The following HMCN1 variants were observed in gnomAD, a reference collection of about 807,000 sequenced individuals.
HMCN1 encodes hemicentin 1.
HMCN1 carries 321 observed loss-of-function variants against 625.9 expected under a neutral mutation model. That is an observed-to-expected ratio of 0.51 (90% CI 0.47 to 0.56). The LOEUF (loss-of-function observed/expected upper bound fraction) is 0.56. Ranked by LOEUF, HMCN1 falls within the 20% of genes least tolerant of loss-of-function variation. HMCN1 has a pLI of 0.00. For synonymous variants in HMCN1, 2,425 were observed against 2,417.6 expected, an observed-to-expected ratio of 1.00 and a Z score of -0.09; for missense variants, 6,588 against 6,887.3, an observed-to-expected ratio of 0.96 and a Z score of 1.54.
chr1:185,989,685 T>G (rs1194299556), intron 21 of HMCN1, 38 bp downstream of exon 21: 5 of 1,604,922 alleles, frequency 3.1e-6, no homozygotes, highest in African/African-American at 1.3e-5. Flanking sequence ...ATTGACATTG[T>G]CTATCTGTGC....
chr1:186,135,527 A>G (rs143931940), intron 86 of HMCN1, among the ~76,000 whole-genome samples: 42 of 152,296 alleles, frequency 2.8e-4, no homozygotes, highest in African/African-American at 1.0e-3. Flanking sequence ...TCATGTAGAC[A>G]TCGCTATATG....
Position 186,067,885 on chromosome 1 carries a change from C to G in HMCN1, c.7757C>G (p.Thr2586Ser), listed in dbSNP as rs1201005442. 1.9e-6 allele frequency: 3 copies of G among 1,612,570 alleles called. No individual in the cohort carries two copies. The highest frequency in any genetic ancestry group is 1.3e-5 in the African/African-American group (1 of 74,874). ...AGTGATGGCAACCCTGAAGATGTCA[C>G]TGTCATCCTTAACAGCCCTACATCT... ...VGSDGNPEDV[T>S]VILNSPTSLV... is the part of the protein sequence containing the mutation. The change falls in exon 50 of 107, where the codon ACT (threonine) becomes AGT (serine). Residue 2586 changes from threonine to serine, a missense_variant. Physicochemically the swap from Thr to Ser is moderately conservative, Grantham distance 58. Transcript: ENST00000271588.
chr1:186,149,491 G>C (rs1650538969), intron 93 of HMCN1, among the ~76,000 whole-genome samples: 1 of 152,168 alleles, frequency 6.6e-6, no homozygotes, highest in Admixed American at 6.5e-5. Context: ...TTTGGCTTAA[G>C]GGAACATTGT....
chr1:186,169,405 C>G (rs759339256), intron 100 of HMCN1, among the ~76,000 whole-genome samples: 8 of 152,080 alleles, frequency 5.3e-5, no homozygotes, highest in Non-Finnish European at 1.2e-4. Context: ...GCAAAAAGAA[C>G]AAAGCTGGAG....
chr1:185,946,173 G>C (rs900154023), intron 11 of HMCN1, among the ~76,000 whole-genome samples: 2 of 152,166 alleles, frequency 1.3e-5, no homozygotes. Context: ...CATTATGGTT[G>C]CTTCCCTGAT....
intron 5 of HMCN1, among the ~76,000 whole-genome samples, chr1:185,910,071 T>C (rs1304499501): frequency 6.6e-6 from 1 of 152,120 alleles, no homozygotes; most frequent in Admixed American, 6.6e-5. Flanking sequence ...ACAATAAGAT[T>C]TACATCAAAT....
intron 10 of HMCN1, among the ~76,000 whole-genome samples, chr1:185,932,710 G>A (rs1413930957): frequency 6.6e-6 from 1 of 152,004 alleles, no homozygotes; most frequent in Non-Finnish European, 1.5e-5. Context: ...CACACACCAG[G>A]GCCTGTTGTG....
At chr1:186,132,542 CTGCTGATGGAGCA>C (rs1661997232) in intron 86 of HMCN1, 133 bp downstream of exon 86, 1 of 728,244 alleles carries the variant, frequency 1.4e-6, no homozygotes. Context: ...TAGTTTTCTG[CTGCTGATGGAGCA>C]GTTGTCATCA....
Position 185,933,811 on chromosome 1 carries a change from C to A in HMCN1, c.1815C>A (p.Phe605Leu), listed in dbSNP as rs756976225. ...GTGGATCATCAGCCGCTTCAGTTTT[C>A]CTCACAGTGCAAGGTACAGTGCTTT... ...SEGGSSAASV[F>L]LTVQEPPKVT... The change falls in exon 11 of 107, where the codon TTC (phenylalanine) becomes TTA (leucine). Residue 605 changes from phenylalanine (F) to leucine (L), a missense_variant. Coordinates refer to ENST00000271588, the MANE Select transcript of HMCN1 (RefSeq NM_031935.3). The A allele has an allele frequency of 1.2e-6, 2 of 1,613,672 alleles. No individual in the cohort carries two copies. The highest frequency in any genetic ancestry group is 2.2e-5 in the East Asian group (1 of 44,874).
intron 1 of HMCN1, among the ~76,000 whole-genome samples, chr1:185,779,173 G>A (rs1313591019): frequency 6.6e-5 from 10 of 152,230 alleles, no homozygotes; most frequent in South Asian, 2.1e-4. Flanking sequence ...CATATCCTTC[G>A]CCCACTTTTT....
rs748687136 is a variant in HMCN1, at chr1:185,864,556, C to T, written c.426C>T (p.Phe142=). 2.4e-5 allele frequency: 38 copies of T among 1,613,916 alleles called. No homozygotes were observed. In the East Asian group the frequency reaches 8.5e-4, roughly 36 times the overall value. ...TTCCTGGTTCTTTCATCTATGTTTTCACTGATGCTCGGTCCAAAGATTACC... is the reference window on the plus strand; with the variant it reads ...TTCCTGGTTCTTTCATCTATGTTTTTACTGATGCTCGGTCCAAAGATTACC... The part of the protein sequence containing the change: ...ISLPGSFIYV[F]TDARSKDYRL... The change falls in exon 3 of 107, where the codon TTC becomes TTT. Residue 142 remains phenylalanine, a synonymous_variant. Coordinates refer to ENST00000271588, the MANE Select transcript of HMCN1 (RefSeq NM_031935.3).
At chr1:186,184,382 CAAT>C (rs1653146681) in intron 105 of HMCN1, among the ~76,000 whole-genome samples, 1 of 151,964 alleles carries the variant, frequency 6.6e-6, no homozygotes, top group Non-Finnish European at 1.5e-5. Flanking sequence ...ATACAAACGT[CAAT>C]AATAAAAGGG....
At chr1:186,167,911 G>A (rs984544809) in intron 100 of HMCN1, among the ~76,000 whole-genome samples, 2 of 151,818 alleles carry the variant, frequency 1.3e-5, no homozygotes, top group African/African-American at 4.8e-5. Context: ...TCCAAGTTTA[G>A]GCAAATATAA....
At chr1:185,780,406 G>C (rs1423626946) in intron 1 of HMCN1, among the ~76,000 whole-genome samples, 2 of 152,158 alleles carry the variant, frequency 1.3e-5, no homozygotes, top group African/African-American at 4.8e-5. Context: ...AGGTGAGAGA[G>C]GGCATCCCTG....
At chr1:186,078,737 C>T (rs1297844259) in intron 55 of HMCN1, among the ~76,000 whole-genome samples, 4 of 152,172 alleles carry the variant, frequency 2.6e-5, no homozygotes, top group Non-Finnish European at 5.9e-5. Flanking sequence ...GTGTGAATCA[C>T]GTATCCATCC....
chr1:186,157,790 A>G (rs939653983), intron 97 of HMCN1, among the ~76,000 whole-genome samples: 7 of 152,176 alleles, frequency 4.6e-5, no homozygotes, highest in African/African-American at 1.7e-4. Context: ...TTATGGCTGC[A>G]TAGTATTCCA....
At chr1:185,820,376 T>C (rs1244637712) in intron 1 of HMCN1, among the ~76,000 whole-genome samples, 2 of 152,216 alleles carry the variant, frequency 1.3e-5, no homozygotes, top group Non-Finnish European at 2.9e-5. Flanking sequence ...GTATCCATTT[T>C]ATTACCTAAG....
chr1:186,030,619 A>T (rs1406905606), intron 36 of HMCN1, among the ~76,000 whole-genome samples: 1 of 152,002 alleles, frequency 6.6e-6, no homozygotes, highest in South Asian at 2.1e-4. Context: ...TTGAATTTTT[A>T]AAAAACTCCA....
intron 42 of HMCN1, among the ~76,000 whole-genome samples, chr1:186,051,326 G>C (rs1013272273): frequency 6.6e-6 from 1 of 152,008 alleles, no homozygotes; most frequent in Non-Finnish European, 1.5e-5. Context: ...AAACAAGAAG[G>C]GTAAAGGAGG....
Sources: gnomAD v4.1 joint callset for allele counts (sites outside exome capture counted in the v4.1 genomes callset) on GRCh38, gnomAD v4.1.1 for gene constraint, MANE v1.5 for transcripts, NCBI Gene and HGNC (gene_info 2026-07-23, HGNC 2026-07-21) for gene names.